Variants in DDX24 observed in about 807,000 individuals in gnomAD.
The protein encoded by DDX24 is ATP-dependent RNA helicase DDX24.
Under a neutral mutation model 68.9 loss-of-function variants are expected in DDX24, and 24 were observed. That is an observed-to-expected ratio of 0.35 (90% confidence interval 0.25 to 0.49). The LOEUF (loss-of-function observed/expected upper bound fraction) is 0.49, where lower values mean the gene tolerates loss of function less well. DDX24 is among the 20% of genes least tolerant of loss of function. DDX24 has a pLI of 0.99. For synonymous variants in DDX24, 395 were observed against 385.2 expected (o/e 1.03, Z -0.30); for missense variants, 989 against 1,039.0 (o/e 0.95, Z 0.66).
rs568730183 is a variant in DDX24, at chr14:94,057,683, T to C, written c.1989+139A>G. 4.4e-5 allele frequency: 31 copies of C among 696,796 alleles called. No individual in the cohort carries two copies. The African/African-American group carries it at 5.3e-4, about 12-fold the overall frequency. 43.2% of individuals were successfully genotyped at this position (696,796 alleles called of 1,614,324 possible). ...CTCAGCAGTGTTGCAAAAGTGGGAG[T>C]AGTGGGCACTCGATGCCAGTGGTAT... On this transcript the variant is annotated intron_variant, in intron 6 of 8. Transcript: ENST00000621632.
At position 94,061,026 on chromosome 14, in the gene DDX24, C is replaced by G. The variant is rs1037052745; in HGVS notation, c.1284G>C (p.Gln428His). ...TAILVGGMST[Q>H]KQQRMLNRRP... ...GACGGTTCAGCATCCTCTGCTGTTT[C>G]TGCGTGGACATTCCACCAACCAAAA... is the stretch of plus-strand genomic sequence containing the variant. Residue 428 changes from glutamine to histidine, a missense_variant, in exon 4 of 9, where the codon CAG becomes CAC. Physicochemically the swap from Gln to His is conservative, Grantham distance 24. Transcript: ENST00000621632. 5 of 1,614,226 alleles carry G rather than the reference C, an allele frequency of 3.1e-6. No homozygotes were observed. The South Asian group carries it at 5.5e-5, about 18-fold the overall frequency.
At chr14:94,073,863 G>A (rs1489795527) in intron 2 of DDX24, among the ~76,000 whole-genome samples, 1 of 151,856 alleles carries the variant, frequency 6.6e-6, no homozygotes, top group Non-Finnish European at 1.5e-5. Context: ...TTAACACGGT[G>A]AAACCCTGTC....
intron 2 of DDX24, among the ~76,000 whole-genome samples, chr14:94,072,282 T>C (rs1399338769): frequency 6.6e-6 from 1 of 152,170 alleles, no homozygotes; most frequent in African/African-American, 2.4e-5. Context: ...TAAAAAGGAA[T>C]GGATTAACAG....
chr14:94,079,424 C>A lies in DDX24; in HGVS notation c.319G>T (p.Val107Leu). 3.7e-6 allele frequency: 6 copies of A among 1,614,040 alleles called. No homozygotes were observed. The highest frequency in any genetic ancestry group is 5.1e-6 in the Non-Finnish European group (6 of 1,180,038). The change falls in exon 2 of 9, where the codon GTA (valine) becomes TTA (leucine). Residue 107 changes from valine (V) to leucine (L), a missense_variant. Transcript: ENST00000621632. ...TGGGTACTGGTTCCTTCAGTTGCTA[C>A]ATTTTTACTTTTCTTCAACTTGATC... is the stretch of plus-strand genomic sequence containing the variant. ...KKIKLKKSKN[V>L]ATEGTSTQKE...
At chr14:94,056,717 C>T (rs1234293053) in intron 6 of DDX24, 1 of 152,188 alleles carries the variant, frequency 6.6e-6, no homozygotes, top group Admixed American at 6.5e-5. Context: ...CCTGACTTAT[C>T]GACTGGTTGC....
At chr14:94,070,179 A>C (rs921829982) in intron 2 of DDX24, among the ~76,000 whole-genome samples, 3 of 152,222 alleles carry the variant, frequency 2.0e-5, no homozygotes, top group Admixed American at 1.3e-4. Context: ...CGGATACAAG[A>C]TTAACGTACA....
chr14:94,059,569 T>C (rs1242021581), intron 5 of DDX24, among the ~76,000 whole-genome samples: 1 of 152,244 alleles, frequency 6.6e-6, no homozygotes, highest in African/African-American at 2.4e-5. Flanking sequence ...GAGACTGTTC[T>C]AAACACTTTA....
intron 7 of DDX24, among the ~76,000 whole-genome samples, chr14:94,053,536 C>T (rs539272048): frequency 2.6e-5 from 4 of 152,012 alleles, no homozygotes; most frequent in South Asian, 2.1e-4. Flanking sequence ...GCTCTTGAGC[C>T]GGGCATGGTG....
chr14:94,077,611 G>A (rs183231429), intron 2 of DDX24, among the ~76,000 whole-genome samples: 1 of 152,154 alleles, frequency 6.6e-6, no homozygotes, highest in Admixed American at 6.5e-5. Context: ...TGTGACAACC[G>A]ATTTCATCAA....
intron 2 of DDX24, among the ~76,000 whole-genome samples, chr14:94,066,715 G>A (rs1220397845): frequency 1.3e-5 from 2 of 152,172 alleles, no homozygotes; most frequent in Non-Finnish European, 2.9e-5. Flanking sequence ...TTTGCTGGGT[G>A]GCTAGACCCA....
intron 2 of DDX24, among the ~76,000 whole-genome samples, chr14:94,078,039 A>G (rs571616317): frequency 6.6e-6 from 1 of 151,658 alleles, no homozygotes; most frequent in Admixed American, 6.5e-5. Context: ...AAAAAAAAAA[A>G]AACTGTATCT....
intron 2 of DDX24, among the ~76,000 whole-genome samples, chr14:94,062,909 G>A (rs906985751): frequency 3.3e-5 from 5 of 152,226 alleles, no homozygotes; most frequent in African/African-American, 1.2e-4. Flanking sequence ...CAAGTTTTGG[G>A]TGTATGTGTT....
At chr14:94,061,693 G>A (rs2141426609) in intron 3 of DDX24, among the ~76,000 whole-genome samples, 1 of 152,246 alleles carries the variant, frequency 6.6e-6, no homozygotes, top group East Asian at 1.9e-4. Context: ...GGTCACTAGT[G>A]AACATTACTG....
intron 6 of DDX24, chr14:94,055,665 TTAAG>T (rs1404039503): frequency 6.3e-6 from 1 of 158,208 alleles, no homozygotes; most frequent in Non-Finnish European, 1.4e-5. Context: ...ATACAGTACT[TTAAG>T]TAGCCACTAT....
chr14:94,066,264 C>A (rs533422833), intron 2 of DDX24, among the ~76,000 whole-genome samples: 1 of 152,104 alleles, frequency 6.6e-6, no homozygotes, highest in Admixed American at 6.5e-5. Context: ...TCACCAGAGG[C>A]AGCCATAATC....
chr14:94,079,445 T>G lies in DDX24; in HGVS notation c.298A>C (p.Lys100Gln), dbSNP rs1425548486. 4 of 1,613,926 alleles carry G rather than the reference T, an allele frequency of 2.5e-6. No homozygotes were observed. The African/African-American group carries it at 4.0e-5, about 16-fold the overall frequency. The change falls in exon 2 of 9, where the codon AAG becomes CAG. Residue 100 changes from lysine to glutamine, a missense_variant. Physicochemically the swap from Lys to Gln is moderately conservative, Grantham distance 53 (BLOSUM62 1). Transcript: ENST00000621632. Reference protein sequence around the residue: ...GKSSSPKKKIKLKKSKNVATE... With the variant: ...GKSSSPKKKIQLKKSKNVATE... ...GCTACATTTTTACTTTTCTTCAACT[T>G]GATCTTTTTCTTTGGTGAGCTAGAC... is the stretch of plus-strand genomic sequence containing the variant.
rs1338146113 is a variant in DDX24, at chr14:94,079,059, A to C, written c.684T>G (p.Arg228=). The change falls in exon 2 of 9, where the codon CGT becomes CGG. Residue 228 remains arginine, a synonymous_variant. Transcript: ENST00000621632. ...CAGCCCCAAGGATGTCCAGTTTGTC[A>C]CGGATGGCAGGTGCCAAGGTCAGGG... ...IQALTLAPAI[R]DKLDILGAAE... The C allele has an allele frequency of 1.2e-6, 2 of 1,613,946 alleles. No individual in the cohort carries two copies. The highest frequency in any genetic ancestry group is 1.7e-6 in the Non-Finnish European group (2 of 1,179,996).
chr14:94,062,440 G>A lies in DDX24; in HGVS notation c.900C>T (p.Asp300=), dbSNP rs755770408. The change falls in exon 3 of 9, where the codon GAC becomes GAT. Residue 300 remains aspartate (D), a synonymous_variant. Transcript: ENST00000621632. ...KAEAESDALP[D]DTVIESEALP... is the part of the protein sequence containing the mutation. ...GTGCTTCACTCTCAATTACAGTATCGTCAGGCAATGCATCAGACTCAGCTT... is the reference window on the plus strand; with the variant it reads ...GTGCTTCACTCTCAATTACAGTATCATCAGGCAATGCATCAGACTCAGCTT... 1.2e-5 allele frequency: 19 copies of A among 1,613,958 alleles called. No individual in the cohort carries two copies. The highest frequency in any genetic ancestry group is 1.7e-5 in the Admixed American group (1 of 59,982).
intron 2 of DDX24, among the ~76,000 whole-genome samples, chr14:94,065,837 A>C (rs1338371642): frequency 2.0e-5 from 3 of 152,204 alleles, no homozygotes; most frequent in African/African-American, 7.2e-5. Context: ...AAGCAGCAGA[A>C]AGGCCCTGGG....
Sources: allele counts gnomAD v4.1 joint callset (sites outside exome capture counted in the v4.1 genomes callset), GRCh38; gene constraint gnomAD v4.1.1; transcripts MANE v1.5; gene names NCBI Gene and HGNC (gene_info 2026-07-23, HGNC 2026-07-21).